Variants in MTNR1B observed in about 807,000 individuals in gnomAD.
The protein encoded by MTNR1B is melatonin receptor 1B, also known as melatonin receptor type 1B.
A neutral mutation model predicts 7.0 loss-of-function variants in MTNR1B; 7 were observed. The ratio of observed to expected loss-of-function variants is 1.00; its 90% CI spans 0.57 to 1.88. MTNR1B has a LOEUF of 1.88. Ranked by LOEUF, MTNR1B falls within the 40% of genes most tolerant of loss-of-function variation. The pLI is 0.00. For synonymous variants in MTNR1B, 226 were observed against 208.2 expected, an observed-to-expected ratio of 1.09 and a Z score of -0.74; for missense variants, 478 against 486.5, an observed-to-expected ratio of 0.98 and a Z score of 0.16.
In MTNR1B at chr11:92,981,807, C is replaced by G; in HGVS notation, c.584C>G (p.Thr195Ser). 1 of 1,614,218 alleles carries G rather than the reference C, an allele frequency of 6.2e-7. No individual in the cohort carries two copies. Among genetic ancestry groups the G allele is most frequent in the Non-Finnish European group, 8.5e-7 (1 of 1,180,048 alleles). The change falls in exon 2 of 2, where the codon ACC (threonine) becomes AGC (serine). Residue 195 changes from threonine (T) to serine (S), a missense_variant. By Grantham distance (58) the Thr-to-Ser change is moderately conservative (BLOSUM62 1). Transcript: ENST00000257068. ...PRIYSCTFIQTASTQYTAAVV... is the reference protein window; with the variant it reads ...PRIYSCTFIQSASTQYTAAVV... ...ATCTATTCCTGCACCTTCATCCAGACCGCCAGCACCCAGTACACGGCGGCA... is the reference window on the plus strand; with the variant it reads ...ATCTATTCCTGCACCTTCATCCAGAGCGCCAGCACCCAGTACACGGCGGCA...
At chr11:92,974,327 CT>C (rs1857978181) in intron 1 of MTNR1B, among the ~76,000 whole-genome samples, 1 of 152,232 alleles carries the variant, frequency 6.6e-6, no homozygotes, top group Non-Finnish European at 1.5e-5. Context: ...CTCTCTTTGC[CT>C]GCTGCCAGCC....
chr11:92,970,049 C>T, intron 1 of MTNR1B, 101 bp downstream of exon 1: 2 of 1,339,920 alleles, frequency 1.5e-6, no homozygotes, highest in Non-Finnish European at 1.9e-6. Context: ...CCCTCCTCAG[C>T]CCGGGCTCCC....
At chr11:92,970,005 C>A in intron 1 of MTNR1B, 57 bp downstream of exon 1, 1 of 1,465,598 alleles carries the variant, frequency 6.8e-7, no homozygotes, top group Non-Finnish European at 9.1e-7. Context: ...GTCTTCTGAT[C>A]TTGTCCCTGA....
chr11:92,980,514 T>A (rs1368974035), intron 1 of MTNR1B, among the ~76,000 whole-genome samples: 1 of 152,160 alleles, frequency 6.6e-6, no homozygotes, highest in Non-Finnish European at 1.5e-5. Context: ...TCTTTTAGAG[T>A]AAGCCCTGCC....
At position 92,969,921 on chromosome 11, in the gene MTNR1B, C is replaced by T. The variant is rs370338802; in HGVS notation, c.196C>T (p.Leu66Phe). The change falls in exon 1 of 2, where the codon CTC becomes TTC. Residue 66 changes from leucine (L) to phenylalanine (F), a missense_variant. Coordinates refer to ENST00000257068, the MANE Select transcript of MTNR1B (RefSeq NM_005959.5). Reference sequence around the variant, plus strand: ...CAACCTCCTGGTGATCCTCTCCGTGCTCAGGAACCGCAAGCTCCGGAACGC... The same window carrying T: ...CAACCTCCTGGTGATCCTCTCCGTGTTCAGGAACCGCAAGCTCCGGAACGC... The part of the protein sequence containing the change: ...VGNLLVILSV[L>F]RNRKLRNAGN... 4.3e-6 allele frequency: 7 copies of T among 1,611,648 alleles called. No individual in the cohort carries two copies. The East Asian group carries it at 8.9e-5, about 21-fold the overall frequency.
intron 1 of MTNR1B, among the ~76,000 whole-genome samples, chr11:92,973,203 T>C (rs1857961295): frequency 6.6e-6 from 1 of 152,150 alleles, no homozygotes; most frequent in Admixed American, 6.5e-5. Flanking sequence ...TACTCTTTCA[T>C]TCCACATGTC....
Position 92,982,153 on chromosome 11 carries a change from C to T in MTNR1B, c.930C>T (p.Leu310=), listed in dbSNP as rs767482056. 16 of 1,614,094 alleles carry T rather than the reference C, an allele frequency of 9.9e-6. No homozygotes were observed. The South Asian group carries it at 1.2e-4, about 12-fold the overall frequency. ...NSCLNAIVYG[L]LNQNFRREYK... ...GCCTGAATGCCATTGTCTATGGGCT[C>T]TTGAACCAAAACTTCCGCAGGGAAT... The change falls in exon 2 of 2, where the codon CTC becomes CTT. Residue 310 remains leucine (L), a synonymous_variant. Transcript: ENST00000257068.
chr11:92,983,096 G>A (rs1173907887), downstream of MTNR1B, among the ~76,000 whole-genome samples: 2 of 152,118 alleles, frequency 1.3e-5, no homozygotes, highest in Non-Finnish European at 2.9e-5. Context: ...TTAAAGTGAA[G>A]ATCATGCCGT....
chr11:92,973,408 C>T (rs1857963537), intron 1 of MTNR1B, among the ~76,000 whole-genome samples: 1 of 152,194 alleles, frequency 6.6e-6, no homozygotes, highest in Non-Finnish European at 1.5e-5. Flanking sequence ...CCTCCATCTC[C>T]AGAACAGTGT....
intron 1 of MTNR1B, among the ~76,000 whole-genome samples, chr11:92,975,350 G>A (rs1373377881): frequency 2.6e-5 from 4 of 152,176 alleles, no homozygotes; most frequent in African/African-American, 4.8e-5. Context: ...GTGAGTGCAC[G>A]AATTGGCATT....
At position 92,982,777 on chromosome 11, in the gene MTNR1B, G is replaced by T; in HGVS notation, c.*465G>T. ...AAGGGCCTCAGGTGGGGCAGGTGCAGAGGGCAAGCATTCCACACTCCGCCA... is the reference window on the plus strand; with the variant it reads ...AAGGGCCTCAGGTGGGGCAGGTGCATAGGGCAAGCATTCCACACTCCGCCA... On this transcript the variant is annotated 3_prime_UTR_variant, in exon 2 of 2. Coordinates refer to ENST00000257068, the MANE Select transcript of MTNR1B (RefSeq NM_005959.5). 1 of 199,348 alleles carries T rather than the reference G, an allele frequency of 5.0e-6. No homozygotes were observed. Among genetic ancestry groups the T allele is most frequent in the Non-Finnish European group, 1.0e-5 (1 of 97,602 alleles). 12.3% of individuals were successfully genotyped at this position (199,348 alleles called of 1,614,324 possible).
At chr11:92,980,520 C>G (rs1411872410) in intron 1 of MTNR1B, among the ~76,000 whole-genome samples, 1 of 152,220 alleles carries the variant, frequency 6.6e-6, no homozygotes, top group Non-Finnish European at 1.5e-5. Flanking sequence ...AGAGTAAGCC[C>G]TGCCTCTGCC....
chr11:92,979,980 GCTC>G (rs768190234), intron 1 of MTNR1B, among the ~76,000 whole-genome samples: 6 of 152,162 alleles, frequency 3.9e-5, no homozygotes, highest in Non-Finnish European at 7.3e-5. Context: ...CAGCTGGGCG[GCTC>G]TCAGCCTCCC....
chr11:92,975,737 G>A (rs1858001115), intron 1 of MTNR1B, among the ~76,000 whole-genome samples: 1 of 152,178 alleles, frequency 6.6e-6, no homozygotes. Flanking sequence ...AAAGGCTCTG[G>A]AAGGCCTAGA....
intron 1 of MTNR1B, among the ~76,000 whole-genome samples, chr11:92,977,414 T>C (rs1858026710): frequency 6.6e-6 from 1 of 152,256 alleles, no homozygotes; most frequent in Non-Finnish European, 1.5e-5. Flanking sequence ...CAAATGCCCA[T>C]CCCCAGAACA....
chr11:92,982,650 G>T lies in MTNR1B; in HGVS notation c.*338G>T. ...AGCTGACCCTCATCCTCCTGCCTTG[G>T]CCTCCTGGCTGCTTTCTCCCCTTCC... is the stretch of plus-strand genomic sequence containing the variant. On this transcript the variant is annotated 3_prime_UTR_variant, in exon 2 of 2. Coordinates refer to ENST00000257068, the MANE Select transcript of MTNR1B (RefSeq NM_005959.5). The T allele has an allele frequency of 3.3e-6, 1 of 298,752 alleles. No homozygotes were observed. The highest frequency in any genetic ancestry group is 6.2e-6 in the Non-Finnish European group (1 of 161,124). 18.5% of individuals were successfully genotyped at this position (298,752 alleles called of 1,614,324 possible).
At chr11:92,984,022 T>G (rs1373140408), downstream of MTNR1B, among the ~76,000 whole-genome samples, 2 of 152,192 alleles carry the variant, frequency 1.3e-5, no homozygotes, top group Non-Finnish European at 2.9e-5. Context: ...ACCCTACTTC[T>G]ATCCCCCATC....
chr11:92,982,416 T>G lies in MTNR1B; in HGVS notation c.*104T>G. The G allele has an allele frequency of 7.3e-7, 1 of 1,360,930 alleles. No individual in the cohort carries two copies. The highest frequency in any genetic ancestry group is 9.8e-7 in the Non-Finnish European group (1 of 1,016,238). The allele number at this position is 1,360,930 out of a possible 1,614,324, so 84.3% of individuals were successfully genotyped here. A position where few individuals can be genotyped will look rare whatever the true frequency, so the allele number is the denominator to read the frequency against. The stretch of plus-strand genomic sequence containing the variant: ...CAGCCTGCTGGGCCACACTGTCCTG[T>G]TGGCATCACAGCCCCAAGGCTGGGG... On this transcript the variant is annotated 3_prime_UTR_variant, in exon 2 of 2. Transcript: ENST00000257068.
chr11:92,981,402 A>T, intron 1 of MTNR1B, 45 bp from the exon 2 acceptor site: 1 of 1,571,946 alleles, frequency 6.4e-7, no homozygotes. Flanking sequence ...ACAGAATCTA[A>T]GTCGTGGGGT....
Sources: gnomAD v4.1 joint callset for allele counts (sites outside exome capture counted in the v4.1 genomes callset) on GRCh38, gnomAD v4.1.1 for gene constraint, MANE v1.5 for transcripts, NCBI Gene and HGNC (gene_info 2026-07-23, HGNC 2026-07-21) for gene names.